CFHR4: variants seen among roughly 807,000 people sequenced by gnomAD.
The protein encoded by CFHR4 is complement factor H-related protein 4.
A neutral mutation model predicts 69.3 loss-of-function variants in CFHR4; 64 were observed. That is an observed-to-expected ratio of 0.92 (90% CI 0.76 to 1.14). The LOEUF (loss-of-function observed/expected upper bound fraction) is 1.14, where lower values mean the gene tolerates loss of function less well. Among genes scored for constraint, CFHR4 ranks in the 50% most tolerant of loss-of-function variants. The pLI, the probability that CFHR4 is intolerant of heterozygous loss-of-function variation, is 0.00. For synonymous variants in CFHR4, 244 were observed against 237.0 expected, an observed-to-expected ratio of 1.03 and a Z score of -0.27; for missense variants, 636 against 684.9, an observed-to-expected ratio of 0.93 and a Z score of 0.80.
Position 196,906,946 on chromosome 1 carries a change from A to T in CFHR4, c.525A>T (p.Glu175Asp). 4 of 1,612,630 alleles carry T rather than the reference A, an allele frequency of 2.5e-6. No homozygotes were observed. Among genetic ancestry groups the T allele is most frequent in the Non-Finnish European group, 1.7e-6 (2 of 1,179,514 alleles). Residue 175 changes from glutamate to aspartate, a missense_variant, in exon 4 of 10, where the codon GAA becomes GAT. Coordinates refer to ENST00000608469, the MANE Select transcript of CFHR4 (RefSeq NM_001201550.3). The stretch of plus-strand genomic sequence containing the variant: ...AGCTCCATGACACATTGGACTATGA[A>T]TGCTATGATGGATATGAAAGCAGTT... ...WFKLHDTLDY[E>D]CYDGYESSYG...
intron 3 of CFHR4, among the ~76,000 whole-genome samples, chr1:196,906,067 G>A (rs1657894761): frequency 6.6e-6 from 1 of 151,294 alleles, no homozygotes; most frequent in Non-Finnish European, 1.5e-5. Flanking sequence ...CACACATATT[G>A]ATATATAATT....
rs1179016916 is a variant in CFHR4 at position 196,907,503 on chromosome 1, G to T, written c.799+5G>T. 2 of 1,601,790 alleles carry T rather than the reference G, an allele frequency of 1.2e-6. No individual in the cohort carries two copies. The highest frequency in any genetic ancestry group is 2.7e-5 in the African/African-American group (2 of 73,660). ...CAGAACCACCAAGATGCATATGTAAGTTCTTAATATTCTGGATCTGAGAAA... is the reference window on the plus strand; with the variant it reads ...CAGAACCACCAAGATGCATATGTAATTTCTTAATATTCTGGATCTGAGAAA... On this transcript the variant is annotated splice_donor_5th_base_variant and intron_variant, in intron 5 of 9. Transcript: ENST00000608469.
At chr1:196,914,753 G>C in intron 8 of CFHR4, 82 bp downstream of exon 8, 1 of 1,339,536 alleles carries the variant, frequency 7.5e-7, no homozygotes, top group South Asian at 1.5e-5. Flanking sequence ...ACATATGTGT[G>C]TACATATATG....
rs771482209 is a variant in CFHR4, at chr1:196,910,350, A to G, written c.869A>G (p.Tyr290Cys). The change falls in exon 6 of 10, where the codon TAC (tyrosine) becomes TGC (cysteine). Residue 290 changes from tyrosine (Y) to cysteine (C), a missense_variant. Tyr to Cys is a radical substitution (Grantham distance 194). Around this residue, in one of 3 missense-constraint regions of CFHR4, gnomAD observed 529 missense variants for 533.2 expected, o/e 0.99. Transcript: ENST00000608469. Reference sequence around the variant, plus strand: ...TATTATGAGAATACGCGTAGACCATACTTTCCAGTAGCTACAGGACAATCT... The same window carrying G: ...TATTATGAGAATACGCGTAGACCATGCTTTCCAGTAGCTACAGGACAATCT... Reference protein sequence around the residue: ...HLYYENTRRPYFPVATGQSYS... With the variant: ...HLYYENTRRPCFPVATGQSYS... 5.0e-6 allele frequency: 8 copies of G among 1,612,064 alleles called. No individual in the cohort carries two copies. The Admixed American group carries it at 1.0e-4, about 20-fold the overall frequency.
intron 1 of CFHR4, among the ~76,000 whole-genome samples, chr1:196,899,994 A>G (rs552880164): frequency 6.6e-6 from 1 of 151,628 alleles, no homozygotes; most frequent in Non-Finnish European, 1.5e-5. Context: ...AGATGGTGAC[A>G]GTGAATCTGC....
At chr1:196,906,274 A>G (rs1342795937) in intron 3 of CFHR4, among the ~76,000 whole-genome samples, 1 of 151,504 alleles carries the variant, frequency 6.6e-6, no homozygotes, top group Non-Finnish European at 1.5e-5. Context: ...GAGCTATAAA[A>G]TATCAATTCG....
rs938189039 is a variant in CFHR4, at chr1:196,898,174, A to G, written c.59-4244A>G. Among the ~76,000 whole-genome samples, 9 of 151,522 alleles carry G rather than the reference A, an allele frequency of 5.9e-5. 2 individuals are homozygous for G. Among genetic ancestry groups the G allele is most frequent in the African/African-American group, 2.2e-4 (9 of 41,066 alleles). On this transcript the variant is annotated intron_variant, in intron 1 of 9. Coordinates refer to ENST00000608469, the MANE Select transcript of CFHR4 (RefSeq NM_001201550.3). Reference sequence around the variant, plus strand: ...TCCTTATATTCAAAATGATGTCTACACACCTGAAAAGACAAAACACAGAAT... The same window carrying G: ...TCCTTATATTCAAAATGATGTCTACGCACCTGAAAAGACAAAACACAGAAT...
At chr1:196,894,290 A>G (rs1657178172) in intron 1 of CFHR4, among the ~76,000 whole-genome samples, 1 of 151,728 alleles carries the variant, frequency 6.6e-6, no homozygotes, top group African/African-American at 2.4e-5. Context: ...GTTTTTCTAA[A>G]CTTCACTGGT....
At chr1:196,904,558 A>G (rs984103663) in intron 2 of CFHR4, among the ~76,000 whole-genome samples, 1 of 151,432 alleles carries the variant, frequency 6.6e-6, no homozygotes, top group Non-Finnish European at 1.5e-5. Flanking sequence ...ATTAGAACTT[A>G]TTTTTGCTAT....
intron 1 of CFHR4, among the ~76,000 whole-genome samples, chr1:196,896,250 T>C (rs1194541565): frequency 2.6e-5 from 4 of 151,040 alleles, no homozygotes; most frequent in African/African-American, 7.3e-5. Flanking sequence ...CTGAATATAG[T>C]AGGCTATGTC....
rs529096391 is a variant in CFHR4, at chr1:196,916,235, C to T, written c.1540+1097C>T. On this transcript the variant is annotated intron_variant, in intron 9 of 9. Transcript: ENST00000608469. ...TAAGCCACAATAATTATGGCAACAA[C>T]AAGAAAACCTAAAAGAAAACTTGCC... 4.7e-4 allele frequency among the ~76,000 whole-genome samples: 72 copies of T among 151,616 alleles called. 2 individuals are homozygous for T. Among genetic ancestry groups the T allele is most frequent in the African/African-American group, 1.7e-3 (69 of 41,148 alleles).
Position 196,905,173 on chromosome 1 carries a change from A to G in CFHR4, c.322A>G (p.Ile108Val). Residue 108 changes from isoleucine (I) to valine (V), a missense_variant, in exon 3 of 10, where the codon ATT (isoleucine) becomes GTT (valine). Transcript: ENST00000608469. The stretch of plus-strand genomic sequence containing the variant: ...CATTTCTGAATCTTCCTCTATTTAT[A>G]TTTTAAATGAAGAAACACAATATAA... ...GFISESSSIY[I>V]LNEETQYNCK... The G allele has an allele frequency of 6.2e-7, 1 of 1,609,314 alleles. No individual in the cohort carries two copies. The highest frequency in any genetic ancestry group is 8.5e-7 in the Non-Finnish European group (1 of 1,177,882).
Position 196,912,888 on chromosome 1 carries a change from G to A in CFHR4, c.1146G>A (p.Leu382=). The A allele has an allele frequency of 2.5e-6, 4 of 1,611,644 alleles. 1 individual carries two copies. In the South Asian group the frequency reaches 4.4e-5, roughly 18 times the overall value. Residue 382 remains leucine (L), a synonymous_variant, in exon 7 of 10, where the codon TTG becomes TTA. Coordinates refer to ENST00000608469, the MANE Select transcript of CFHR4 (RefSeq NM_001201550.3). ...DGNSSGSITC[L]QNGWSAQPIC... is the part of the protein sequence containing the mutation. ...ATTCTTCAGGTTCAATTACATGTTT[G>A]CAAAATGGATGGTCAGCACAACCAA...
chr1:196,908,161 G>A (rs1467130659), intron 5 of CFHR4, among the ~76,000 whole-genome samples: 1 of 151,322 alleles, frequency 6.6e-6, no homozygotes, highest in East Asian at 1.9e-4. Context: ...TCTGTCACAG[G>A]ATGGGGAGCT....
chr1:196,910,985 T>C (rs1658236209), intron 6 of CFHR4, among the ~76,000 whole-genome samples: 1 of 151,462 alleles, frequency 6.6e-6, no homozygotes, highest in Admixed American at 6.6e-5. Context: ...AGTCAATCTG[T>C]AAAAGTTGAG....
chr1:196,888,559 C>T (rs1212297264), intron 1 of CFHR4, among the ~76,000 whole-genome samples: 1 of 151,072 alleles, frequency 6.6e-6, no homozygotes, highest in Non-Finnish European at 1.5e-5. Context: ...ATTCATAATA[C>T]AAGGGAAACT....
chr1:196,899,230 T>C lies in CFHR4; in HGVS notation c.59-3188T>C, dbSNP rs550661424. Among the ~76,000 whole-genome samples the C allele has an allele frequency of 6.8e-3, 1,038 of 151,570 alleles. 44 individuals are homozygous for C. The highest frequency in any genetic ancestry group is 0.024 in the African/African-American group (996 of 41,096). ...CTCTACAAACATATTCTTTTTTTTTTCTATCTTGCAGTGCATTGTAAAGGT... is the reference window on the plus strand; with the variant it reads ...CTCTACAAACATATTCTTTTTTTTTCCTATCTTGCAGTGCATTGTAAAGGT... On this transcript the variant is annotated intron_variant, in intron 1 of 9. Transcript: ENST00000608469.
chr1:196,913,089 G>A (rs537094130), intron 7 of CFHR4, among the ~76,000 whole-genome samples, 167 bp downstream of exon 7: 1 of 151,454 alleles, frequency 6.6e-6, no homozygotes, highest in Non-Finnish European at 1.5e-5. Context: ...TGCATGTTTA[G>A]AGTAATGGCT....
chr1:196,892,278 T>A (rs1170915102), intron 1 of CFHR4, among the ~76,000 whole-genome samples: 1 of 151,564 alleles, frequency 6.6e-6, no homozygotes, highest in African/African-American at 2.4e-5. Flanking sequence ...GGATCACTAA[T>A]TTATACACAG....
Sources: allele counts gnomAD v4.1 joint callset (sites outside exome capture counted in the v4.1 genomes callset), GRCh38; gene constraint gnomAD v4.1.1; regional missense constraint gnomAD v4.1.1; transcripts MANE v1.5; gene names NCBI Gene and HGNC (gene_info 2026-07-23, HGNC 2026-07-21).